The following MDGA2 variants were observed in gnomAD, a reference collection of about 807,000 sequenced individuals.
MDGA2 encodes MAM domain containing glycosylphosphatidylinositol anchor 2, also known as MAM domain-containing glycosylphosphatidylinositol anchor protein 2.
In MDGA2, 40 loss-of-function variants were observed where a neutral mutation model predicts 117.8. That is an observed-to-expected ratio of 0.34 (90% CI 0.26 to 0.44). MDGA2 has a LOEUF of 0.44. Ranked by LOEUF, MDGA2 falls within the 20% of genes least tolerant of loss-of-function variation. The pLI, the probability that MDGA2 is intolerant of heterozygous loss-of-function variation, is 1.00. For missense variants in MDGA2, 1,123 were observed against 1,250.6 expected, an observed-to-expected ratio of 0.90 and a Z score of 1.54; for synonymous variants, 452 against 439.0, an observed-to-expected ratio of 1.03 and a Z score of -0.37.
At chr14:47,178,432 T>C (rs1884565244) in intron 3 of MDGA2, among the ~76,000 whole-genome samples, 1 of 152,196 alleles carries the variant, frequency 6.6e-6, no homozygotes, top group Non-Finnish European at 1.5e-5. Flanking sequence ...AACCTTTGAC[T>C]ATATTGCCTT....
At chr14:47,483,089 TAA>T (rs1273215984) in intron 1 of MDGA2, among the ~76,000 whole-genome samples, 2 of 152,068 alleles carry the variant, frequency 1.3e-5, no homozygotes, top group African/African-American at 4.8e-5. Flanking sequence ...TAATCTTTTT[TAA>T]AAAAAGTTTT....
intron 1 of MDGA2, among the ~76,000 whole-genome samples, chr14:47,630,549 C>A (rs1023949039): frequency 6.6e-6 from 1 of 152,108 alleles, no homozygotes. Flanking sequence ...ATTATCCATA[C>A]AATACAGAGA....
intron 2 of MDGA2, among the ~76,000 whole-genome samples, chr14:47,238,272 G>A (rs544016008): frequency 6.6e-6 from 1 of 152,132 alleles, no homozygotes. Flanking sequence ...ATATGAATTT[G>A]TGTATTACCT....
At chr14:47,041,281 G>A (rs1344105195) in intron 7 of MDGA2, among the ~76,000 whole-genome samples, 2 of 151,844 alleles carry the variant, frequency 1.3e-5, no homozygotes, top group African/African-American at 4.8e-5. Flanking sequence ...AAAAACAGAG[G>A]AAAGAGGCAA....
At chr14:47,301,117 CTGTT>C (rs1309216403) in intron 2 of MDGA2, among the ~76,000 whole-genome samples, 3 of 152,092 alleles carry the variant, frequency 2.0e-5, no homozygotes, top group South Asian at 2.1e-4. Flanking sequence ...TTGTAGTTGT[CTGTT>C]TAACAGCTTC....
intron 1 of MDGA2, among the ~76,000 whole-genome samples, chr14:47,556,181 T>C (rs1192283777): frequency 1.3e-5 from 2 of 152,162 alleles, no homozygotes; most frequent in East Asian, 3.9e-4. Flanking sequence ...AAGTTGGTTC[T>C]GTCATTGCAA....
intron 5 of MDGA2, among the ~76,000 whole-genome samples, chr14:47,114,847 G>A (rs1380733504): frequency 2.0e-5 from 3 of 151,154 alleles, no homozygotes; most frequent in African/African-American, 7.3e-5. Context: ...ATACCTTTTG[G>A]AACATAGGCA....
intron 1 of MDGA2, among the ~76,000 whole-genome samples, chr14:47,488,958 T>C (rs1894113470): frequency 6.6e-6 from 1 of 151,958 alleles, no homozygotes; most frequent in Non-Finnish European, 1.5e-5. Context: ...CAAAACAACA[T>C]AATTAAAAAA....
chr14:47,229,482 A>G (rs1470904174), intron 2 of MDGA2, among the ~76,000 whole-genome samples: 1 of 152,114 alleles, frequency 6.6e-6, no homozygotes, highest in African/African-American at 2.4e-5. Flanking sequence ...ATTTTTAATA[A>G]AAAATTACTT....
intron 1 of MDGA2, among the ~76,000 whole-genome samples, chr14:47,326,252 T>C (rs1006276211): frequency 1.3e-5 from 2 of 152,160 alleles, no homozygotes; most frequent in Non-Finnish European, 2.9e-5. Context: ...TAATAAGATT[T>C]AAAATATATA....
At chr14:47,650,507 C>T (rs571065875) in intron 1 of MDGA2, among the ~76,000 whole-genome samples, 17 of 152,192 alleles carry the variant, frequency 1.1e-4, no homozygotes, top group African/African-American at 3.1e-4. Flanking sequence ...CTCCCAAATC[C>T]CAAAGATATA....
chr14:47,372,499 G>T (rs184739922), intron 1 of MDGA2, among the ~76,000 whole-genome samples: 3 of 151,894 alleles, frequency 2.0e-5, no homozygotes, highest in African/African-American at 7.2e-5. Flanking sequence ...TGTAGTCAGA[G>T]AAATGCAAAT....
intron 1 of MDGA2, among the ~76,000 whole-genome samples, chr14:47,334,436 A>G (rs1890382891): frequency 6.6e-6 from 1 of 151,910 alleles, no homozygotes; most frequent in Admixed American, 6.6e-5. Flanking sequence ...TACTTGCACG[A>G]TCACAGGCAA....
intron 2 of MDGA2, among the ~76,000 whole-genome samples, chr14:47,246,591 C>T (rs1384511937): frequency 6.6e-6 from 1 of 151,646 alleles, no homozygotes; most frequent in Non-Finnish European, 1.5e-5. Flanking sequence ...TGGAAAGAGC[C>T]AGTTACTTAC....
At chr14:47,123,808 T>A (rs1360378101) in intron 5 of MDGA2, among the ~76,000 whole-genome samples, 1 of 152,066 alleles carries the variant, frequency 6.6e-6, no homozygotes, top group Non-Finnish European at 1.5e-5. Context: ...GGCAGAACAA[T>A]GCTGTCCCCA....
chr14:47,208,680 C>A (rs1885775664), intron 3 of MDGA2, among the ~76,000 whole-genome samples: 1 of 151,926 alleles, frequency 6.6e-6, no homozygotes, highest in African/African-American at 2.4e-5. Flanking sequence ...GCTGACTCAG[C>A]AGGAGCATCT....
intron 14 of MDGA2, chr14:46,872,073 G>A (rs192748158): frequency 1.3e-5 from 2 of 154,538 alleles, no homozygotes; most frequent in African/African-American, 2.4e-5. Context: ...TAATACTGTT[G>A]GGTATGAGTT....
intron 8 of MDGA2, among the ~76,000 whole-genome samples, chr14:47,003,933 TAAAAG>T (rs769922246): frequency 7.9e-5 from 12 of 151,804 alleles, no homozygotes; most frequent in Non-Finnish European, 1.6e-4. Flanking sequence ...ACAGAATTTA[TAAAAG>T]AAATGATAAA....
At chr14:46,847,512 A>T (rs1880888105) in intron 15 of MDGA2, among the ~76,000 whole-genome samples, 1 of 152,124 alleles carries the variant, frequency 6.6e-6, no homozygotes, top group East Asian at 1.9e-4. Context: ...GATGACTTCC[A>T]TTTGAGATAG....
Sources: allele counts gnomAD v4.1 joint callset (sites outside exome capture counted in the v4.1 genomes callset), GRCh38; gene constraint gnomAD v4.1.1; transcripts MANE v1.5; gene names NCBI Gene and HGNC (gene_info 2026-07-23, HGNC 2026-07-21).